CDH4: variants seen among roughly 807,000 people sequenced by gnomAD.
The protein encoded by CDH4 is cadherin-4.
In CDH4, 33 loss-of-function variants were observed where a neutral mutation model predicts 86.0. That is an observed-to-expected ratio of 0.38 (90% CI 0.29 to 0.51). CDH4 has a LOEUF of 0.51. Ranked by LOEUF, CDH4 falls within the 20% of genes least tolerant of loss-of-function variation. The probability of loss-of-function intolerance (pLI) is 0.86; values close to 1 mark genes in which losing one functional copy is unlikely to be tolerated. For missense variants in CDH4, 1,114 were observed against 1,307.4 expected, an observed-to-expected ratio of 0.85 and a Z score of 2.28; for synonymous variants, 555 against 549.4, an observed-to-expected ratio of 1.01 and a Z score of -0.14.
intron 2 of CDH4, among the ~76,000 whole-genome samples, chr20:61,535,423 AG>A (rs1393117932): frequency 6.6e-6 from 1 of 152,228 alleles, no homozygotes; most frequent in Non-Finnish European, 1.5e-5. Context: ...TGGAAAACCC[AG>A]GTCCATTTGT....
intron 7 of CDH4, among the ~76,000 whole-genome samples, chr20:61,887,545 A>T (rs1049426184): frequency 6.6e-6 from 1 of 152,256 alleles, no homozygotes; most frequent in Non-Finnish European, 1.5e-5. Context: ...TACACTGTAC[A>T]TGTCTCTGGG....
chr20:61,620,442 G>T (rs2086767020), intron 2 of CDH4, among the ~76,000 whole-genome samples: 1 of 151,998 alleles, frequency 6.6e-6, no homozygotes, highest in Non-Finnish European at 1.5e-5. Context: ...ATAGATGCTT[G>T]ATGGATGGAT....
At chr20:61,877,719 G>GGACCTGGAA (rs1984094544) in intron 7 of CDH4, among the ~76,000 whole-genome samples, 1 of 152,160 alleles carries the variant, frequency 6.6e-6, no homozygotes, top group Admixed American at 6.5e-5. Flanking sequence ...AGGAAGATCA[G>GGACCTGGAA]TTTCTGTCTT....
At chr20:61,514,272 CA>C (rs1377335250) in intron 2 of CDH4, among the ~76,000 whole-genome samples, 1 of 151,090 alleles carries the variant, frequency 6.6e-6, no homozygotes, top group Non-Finnish European at 1.5e-5. Flanking sequence ...AATTTTGGAA[CA>C]AAAAATGGGG....
In CDH4 at chr20:61,534,665, C is replaced by CTTTT. The variant is rs34309371; in HGVS notation, c.170-208879_170-208876dup. 4.4e-3 allele frequency among the ~76,000 whole-genome samples: 333 copies of CTTTT among 75,920 alleles called. 11 individuals are homozygous for CTTTT. Among genetic ancestry groups the CTTTT allele is most frequent in the African/African-American group, 0.013 (119 of 9,308 alleles). 49.8% of individuals were successfully genotyped at this position (75,920 alleles called of 152,430 possible). On this transcript the variant is annotated intron_variant, in intron 2 of 15. Transcript: ENST00000614565. Reference sequence around the variant, plus strand: ...CTTTCTTTCTTTTCTTTCTTTCTTTCTTTTTTTTTTTTTTTTTTTTTTGAG... The same window carrying CTTTT: ...CTTTCTTTCTTTTCTTTCTTTCTTTCTTTTTTTTTTTTTTTTTTTTTTTTTTGAG...
intron 7 of CDH4, among the ~76,000 whole-genome samples, chr20:61,884,689 C>T (rs1361619918): frequency 6.6e-6 from 1 of 152,044 alleles, no homozygotes; most frequent in Admixed American, 6.5e-5. Context: ...AGCACCTCAC[C>T]TCGGGGGCGG....
At chr20:61,485,423 G>A (rs1428346755) in intron 2 of CDH4, among the ~76,000 whole-genome samples, 1 of 152,160 alleles carries the variant, frequency 6.6e-6, no homozygotes, top group African/African-American at 2.4e-5. Context: ...CTTCCTCTGT[G>A]GATCCAAGCA....
intron 2 of CDH4, among the ~76,000 whole-genome samples, chr20:61,638,383 G>C (rs958741996): frequency 6.6e-6 from 1 of 152,202 alleles, no homozygotes; most frequent in African/African-American, 2.4e-5. Context: ...GGAACCCCTT[G>C]TGTTCTGTAG....
At chr20:61,794,530 G>A (rs555294031) in intron 4 of CDH4, among the ~76,000 whole-genome samples, 5 of 152,304 alleles carry the variant, frequency 3.3e-5, no homozygotes, top group African/African-American at 9.6e-5. Context: ...GTGGCTCAGT[G>A]GGAAGAGAAA....
chr20:61,588,173 A>G (rs1351259777), intron 2 of CDH4, among the ~76,000 whole-genome samples: 1 of 152,220 alleles, frequency 6.6e-6, no homozygotes, highest in Non-Finnish European at 1.5e-5. Context: ...TGTTATTATT[A>G]TTAATTGTAG....
At chr20:61,765,855 C>T (rs1032546983) in intron 3 of CDH4, among the ~76,000 whole-genome samples, 3 of 152,102 alleles carry the variant, frequency 2.0e-5, no homozygotes, top group Non-Finnish European at 4.4e-5. Flanking sequence ...AGAGCCCACC[C>T]CTTCCAGCAG....
intron 8 of CDH4, among the ~76,000 whole-genome samples, chr20:61,896,112 C>A (rs1187876785): frequency 6.6e-6 from 1 of 152,316 alleles, no homozygotes; most frequent in Non-Finnish European, 1.5e-5. Context: ...AGTGGCACAC[C>A]AGCTGCATCT....
chr20:61,767,962 G>A (rs974928379), intron 3 of CDH4, among the ~76,000 whole-genome samples: 1 of 152,208 alleles, frequency 6.6e-6, no homozygotes, highest in African/African-American at 2.4e-5. Flanking sequence ...GTGTCCGTGA[G>A]TGGATGGAGG....
chr20:61,504,010 C>T (rs908024466), intron 2 of CDH4, among the ~76,000 whole-genome samples: 2 of 152,208 alleles, frequency 1.3e-5, no homozygotes, highest in Non-Finnish European at 1.5e-5. Flanking sequence ...GAGATACGCC[C>T]CCATCCCACT....
At chr20:61,522,297 C>T (rs1333388044) in intron 2 of CDH4, among the ~76,000 whole-genome samples, 3 of 150,490 alleles carry the variant, frequency 2.0e-5, no homozygotes, top group Non-Finnish European at 3.0e-5. Flanking sequence ...GCCAGTGGAG[C>T]GGGTGGGGAG....
At chr20:61,605,898 A>C (rs943020684) in intron 2 of CDH4, among the ~76,000 whole-genome samples, 4 of 152,106 alleles carry the variant, frequency 2.6e-5, no homozygotes, top group African/African-American at 7.2e-5. Flanking sequence ...AAAAAAAAAA[A>C]AAAAAAACAG....
intron 2 of CDH4, among the ~76,000 whole-genome samples, chr20:61,680,778 C>G (rs1036801786): frequency 6.6e-6 from 1 of 152,170 alleles, no homozygotes; most frequent in South Asian, 2.1e-4. Context: ...TGCAGGACCT[C>G]GGACAGCCTC....
At chr20:61,407,931 G>T (rs1346768247) in intron 2 of CDH4, among the ~76,000 whole-genome samples, 1 of 152,168 alleles carries the variant, frequency 6.6e-6, no homozygotes, top group Non-Finnish European at 1.5e-5. Context: ...GCTCCCTATT[G>T]CTGCCATAAC....
chr20:61,275,669 G>A (rs114886477), intron 2 of CDH4, among the ~76,000 whole-genome samples: 1,832 of 145,146 alleles, frequency 0.013, 52 homozygotes, highest in East Asian at 0.12. Context: ...CGCAGTTTGG[G>A]GGGAGTACCG....
Sources: allele counts gnomAD v4.1 joint callset (sites outside exome capture counted in the v4.1 genomes callset), GRCh38; gene constraint gnomAD v4.1.1; transcripts MANE v1.5; gene names NCBI Gene and HGNC (gene_info 2026-07-23, HGNC 2026-07-21).